Variants in CSMD1 observed in about 807,000 individuals in gnomAD.
The protein encoded by CSMD1 is CUB and sushi domain-containing protein 1.
A neutral mutation model predicts 417.5 loss-of-function variants in CSMD1; 213 were observed. The ratio of observed to expected loss-of-function variants is 0.51; its 90% CI spans 0.46 to 0.57. The LOEUF (loss-of-function observed/expected upper bound fraction) is 0.57, where lower values mean the gene tolerates loss of function less well. Ranked by LOEUF, CSMD1 falls within the 20% of genes least tolerant of loss-of-function variation. The pLI is 0.00. For missense variants in CSMD1, 6,923 were observed against 4,529.7 expected, an observed-to-expected ratio of 1.53 and a Z score of -15.17; for synonymous variants, 2,862 against 1,736.8, an observed-to-expected ratio of 1.65 and a Z score of -16.11.
At chr8:3,784,715 A>G (rs1034007237) in intron 5 of CSMD1, among the ~76,000 whole-genome samples, 4 of 152,228 alleles carry the variant, frequency 2.6e-5, no homozygotes, top group African/African-American at 9.6e-5. Flanking sequence ...CTATTATTCT[A>G]TAAACAAATG....
chr8:4,895,712 G>C (rs181621996), intron 1 of CSMD1, among the ~76,000 whole-genome samples: 1 of 150,284 alleles, frequency 6.7e-6, no homozygotes, highest in Non-Finnish European at 1.5e-5. Flanking sequence ...TTTCTCCTCA[G>C]TCTTCAAACC....
At chr8:4,629,173 T>C (rs1802352966) in intron 2 of CSMD1, among the ~76,000 whole-genome samples, 1 of 152,228 alleles carries the variant, frequency 6.6e-6, no homozygotes, top group Non-Finnish European at 1.5e-5. Context: ...AATGCATATT[T>C]GTAGAATACA....
At chr8:3,657,042 G>C (rs1229290912) in intron 7 of CSMD1, among the ~76,000 whole-genome samples, 2 of 131,068 alleles carry the variant, frequency 1.5e-5, no homozygotes, top group Non-Finnish European at 3.5e-5. Flanking sequence ...GTGTCTGCCA[G>C]GGCATTTTTG....
chr8:4,273,628 T>G (rs1326864320), intron 3 of CSMD1, among the ~76,000 whole-genome samples: 1 of 152,190 alleles, frequency 6.6e-6, no homozygotes, highest in East Asian at 1.9e-4. Context: ...TTTTCTGTAT[T>G]TTATCTAGAA....
At chr8:4,217,188 C>T (rs1362889507) in intron 3 of CSMD1, among the ~76,000 whole-genome samples, 1 of 152,158 alleles carries the variant, frequency 6.6e-6, no homozygotes, top group Non-Finnish European at 1.5e-5. Context: ...CGCTGCTTAT[C>T]ATGCAAAGTT....
chr8:3,101,584 G>A (rs1018280070), intron 46 of CSMD1, among the ~76,000 whole-genome samples: 2 of 151,804 alleles, frequency 1.3e-5, no homozygotes, highest in Non-Finnish European at 2.9e-5. Flanking sequence ...AACCATGCCT[G>A]GCTAATTTTT....
At chr8:3,976,427 G>A (rs539226331) in intron 5 of CSMD1, among the ~76,000 whole-genome samples, 3 of 152,244 alleles carry the variant, frequency 2.0e-5, no homozygotes, top group African/African-American at 7.2e-5. Context: ...CTTCATCAAG[G>A]AAAGCAGTTT....
chr8:4,178,042 T>C (rs1798148806), intron 3 of CSMD1, among the ~76,000 whole-genome samples: 1 of 152,042 alleles, frequency 6.6e-6, no homozygotes, highest in Admixed American at 6.5e-5. Context: ...ACTATTCCAA[T>C]AAATAGAAAA....
intron 3 of CSMD1, among the ~76,000 whole-genome samples, chr8:4,406,953 T>C (rs1479893263): frequency 1.3e-5 from 2 of 151,958 alleles, no homozygotes; most frequent in African/African-American, 4.8e-5. Context: ...AAGGGAAGAG[T>C]ATCTTGTTTC....
rs187603300 is a variant in CSMD1 at position 4,258,867 on chromosome 8, C to T, written c.415+161086G>A. Among the ~76,000 whole-genome samples the T allele has an allele frequency of 2.0e-5, 3 of 152,270 alleles. No homozygotes were observed. In the East Asian group the frequency reaches 5.8e-4, roughly 29 times the overall value. On this transcript the variant is annotated intron_variant, in intron 3 of 69. Coordinates refer to ENST00000635120, the MANE Select transcript of CSMD1 (RefSeq NM_033225.6). Reference sequence around the variant, plus strand: ...TCATGGACAACGGCTGCAAAAGTCTCATCTCTACCTGGCCGTGCCATGTGT... The same window carrying T: ...TCATGGACAACGGCTGCAAAAGTCTTATCTCTACCTGGCCGTGCCATGTGT...
chr8:3,835,969 T>C (rs552484779), intron 5 of CSMD1, among the ~76,000 whole-genome samples: 1 of 152,286 alleles, frequency 6.6e-6, no homozygotes, highest in African/African-American at 2.4e-5. Context: ...GATTAAGACC[T>C]TGACTCTCTT....
At chr8:4,683,922 G>C (rs1806207912) in intron 1 of CSMD1, among the ~76,000 whole-genome samples, 1 of 152,188 alleles carries the variant, frequency 6.6e-6, no homozygotes. Flanking sequence ...TGAGCAGCAT[G>C]TCATATACAA....
intron 1 of CSMD1, among the ~76,000 whole-genome samples, chr8:4,941,115 G>A (rs376693394): frequency 1.1e-4 from 17 of 152,008 alleles, no homozygotes; most frequent in East Asian, 9.7e-4. Context: ...TTTGTCTTTC[G>A]CCTCTGATTT....
intron 3 of CSMD1, among the ~76,000 whole-genome samples, chr8:4,270,563 G>A (rs1030380373): frequency 2.6e-5 from 4 of 152,034 alleles, no homozygotes; most frequent in African/African-American, 9.7e-5. Context: ...ACCCCATTAT[G>A]TTTGATGACT....
chr8:3,535,990 C>G (rs1798180798), intron 10 of CSMD1, among the ~76,000 whole-genome samples: 1 of 152,286 alleles, frequency 6.6e-6, no homozygotes, highest in East Asian at 1.9e-4. Context: ...GGGAGGGACT[C>G]TCCCAGCAAC....
rs77793132 is a variant in CSMD1 at position 3,030,296 on chromosome 8, C to T, written c.7661-783G>A. Among the ~76,000 whole-genome samples the T allele has an allele frequency of 3.3e-5, 5 of 151,826 alleles. No individual in the cohort carries two copies. In the South Asian group the frequency reaches 6.2e-4, roughly 19 times the overall value. The stretch of plus-strand genomic sequence containing the variant: ...GAAAAGTGCAAGATGATTTAAAATA[C>T]ATTACACAAAATTAGAAACCAGAAC... On this transcript the variant is annotated intron_variant, in intron 50 of 69. Transcript: ENST00000635120.
chr8:4,565,719 C>A (rs144490197), intron 2 of CSMD1, among the ~76,000 whole-genome samples: 1,833 of 141,410 alleles, frequency 0.013, 21 homozygotes, highest in Middle Eastern at 0.058. Context: ...TGGGTGACAG[C>A]GCAACACTCC....
chr8:3,038,602 G>A (rs746784371), intron 50 of CSMD1, among the ~76,000 whole-genome samples: 3 of 151,538 alleles, frequency 2.0e-5, no homozygotes, highest in African/African-American at 4.8e-5. Flanking sequence ...CCTGCTTTTC[G>A]AGGTCATGGT....
At chr8:3,568,100 CATTATA>C (rs1386001030) in intron 10 of CSMD1, among the ~76,000 whole-genome samples, 1 of 152,084 alleles carries the variant, frequency 6.6e-6, no homozygotes, top group East Asian at 1.9e-4. Context: ...TTATAATTTC[CATTATA>C]AATATATAAT....
Sources: allele counts gnomAD v4.1 joint callset (sites outside exome capture counted in the v4.1 genomes callset), GRCh38; gene constraint gnomAD v4.1.1; transcripts MANE v1.5; gene names NCBI Gene and HGNC (gene_info 2026-07-23, HGNC 2026-07-21).